The following PPARGC1A variants were observed in gnomAD, a reference collection of about 807,000 sequenced individuals.
PPARGC1A encodes the protein peroxisome proliferator-activated receptor gamma coactivator 1-alpha.
PPARGC1A carries 25 observed loss-of-function variants against 88.7 expected under a neutral mutation model. The ratio of observed to expected loss-of-function variants is 0.28; its 90% CI spans 0.21 to 0.39. PPARGC1A has a LOEUF of 0.39. Among genes scored for constraint, PPARGC1A ranks in the 10% least tolerant of loss-of-function variants. The pLI, the probability that PPARGC1A is intolerant of heterozygous loss-of-function variation, is 1.00. For synonymous variants in PPARGC1A, 363 were observed against 355.6 expected, an observed-to-expected ratio of 1.02 and a Z score of -0.24; for missense variants, 880 against 968.7, an observed-to-expected ratio of 0.91 and a Z score of 1.22.
At chr4:24,173,188 C>G in the PPARGC1A span, among the ~76,000 whole-genome samples, 1 of 152,002 alleles carries the variant, frequency 6.6e-6, no homozygotes, top group East Asian at 1.9e-4. Context: ...AGCTGAAATT[C>G]TGACATTGTT....
At chr4:24,058,187 G>C in the PPARGC1A span, among the ~76,000 whole-genome samples, 1 of 152,218 alleles carries the variant, frequency 6.6e-6, no homozygotes, top group Non-Finnish European at 1.5e-5. Flanking sequence ...TTCCTCAGCT[G>C]ACTCTTGACT....
At chr4:24,426,969 A>G in the PPARGC1A span, among the ~76,000 whole-genome samples, 1 of 152,214 alleles carries the variant, frequency 6.6e-6, no homozygotes, top group Non-Finnish European at 1.5e-5. Flanking sequence ...GAAAGCTGCA[A>G]GAATCTCAGT....
the PPARGC1A span, among the ~76,000 whole-genome samples, chr4:24,134,770 T>C: frequency 6.6e-6 from 1 of 152,230 alleles, no homozygotes; most frequent in African/African-American, 2.4e-5. Flanking sequence ...TTCACTTTTT[T>C]TCCAGTGGAA....
chr4:23,961,172 A>G, the PPARGC1A span, among the ~76,000 whole-genome samples: 2 of 152,134 alleles, frequency 1.3e-5, no homozygotes, highest in East Asian at 3.9e-4. Flanking sequence ...TAACAGTACT[A>G]TCTTTCCATG....
chr4:24,168,077 G>A, the PPARGC1A span, among the ~76,000 whole-genome samples: 2 of 152,168 alleles, frequency 1.3e-5, no homozygotes, highest in Non-Finnish European at 2.9e-5. Context: ...TTGAATTACG[G>A]TATGTAAAGG....
At chr4:24,323,977 C>T in the PPARGC1A span, among the ~76,000 whole-genome samples, 6 of 152,184 alleles carry the variant, frequency 3.9e-5, no homozygotes, top group African/African-American at 9.7e-5. Context: ...ATTTCAATTC[C>T]TTTCATTTTC....
chr4:23,968,553 T>G, the PPARGC1A span, among the ~76,000 whole-genome samples: 1 of 152,296 alleles, frequency 6.6e-6, no homozygotes, highest in East Asian at 1.9e-4. Flanking sequence ...GTCATCTTTT[T>G]CTTCTAAATA....
At chr4:24,375,706 G>T in the PPARGC1A span, among the ~76,000 whole-genome samples, 1 of 152,152 alleles carries the variant, frequency 6.6e-6, no homozygotes, top group African/African-American at 2.4e-5. Flanking sequence ...GAGCCAGCAT[G>T]GGAATAAAAA....
the PPARGC1A span, among the ~76,000 whole-genome samples, chr4:23,986,096 A>T: frequency 1.3e-5 from 2 of 152,056 alleles, no homozygotes; most frequent in Non-Finnish European, 2.9e-5. Flanking sequence ...GCACTCCTGA[A>T]GAGTTAGGAA....
At chr4:23,967,297 G>T in the PPARGC1A span, among the ~76,000 whole-genome samples, 1 of 152,124 alleles carries the variant, frequency 6.6e-6, no homozygotes, top group Middle Eastern at 3.2e-3. Context: ...ACGCCACCAT[G>T]CGCCGATTAT....
At chr4:24,005,257 G>GA in the PPARGC1A span, among the ~76,000 whole-genome samples, 18 of 150,340 alleles carry the variant, frequency 1.2e-4, no homozygotes, top group African/African-American at 4.1e-4. Flanking sequence ...GCTTTTGAAA[G>GA]AAAAAAAAAG....
At chr4:24,175,195 A>T in the PPARGC1A span, among the ~76,000 whole-genome samples, 2 of 152,152 alleles carry the variant, frequency 1.3e-5, no homozygotes, top group African/African-American at 4.8e-5. Context: ...ATTCTAGTCT[A>T]TCAGGTAATT....
the PPARGC1A span, among the ~76,000 whole-genome samples, chr4:24,337,563 AGAT>A: frequency 1.3e-5 from 2 of 152,074 alleles, no homozygotes; most frequent in African/African-American, 2.4e-5. Flanking sequence ...GAGCGTGGGG[AGAT>A]GATGTCTGAC....
At chr4:24,455,113 A>T in the PPARGC1A span, among the ~76,000 whole-genome samples, 4 of 152,188 alleles carry the variant, frequency 2.6e-5, no homozygotes, top group Admixed American at 2.0e-4. Context: ...AGTCCCAAAC[A>T]TTTGGGAATT....
the PPARGC1A span, among the ~76,000 whole-genome samples, chr4:23,989,926 C>G: frequency 2.0e-5 from 3 of 149,426 alleles, no homozygotes; most frequent in African/African-American, 7.4e-5. Flanking sequence ...TTTTAATTAG[C>G]TTCTTTAAAT....
At chr4:24,257,442 A>G in the PPARGC1A span, among the ~76,000 whole-genome samples, 2 of 152,328 alleles carry the variant, frequency 1.3e-5, no homozygotes, top group South Asian at 4.1e-4. Flanking sequence ...GTAGCTGGCC[A>G]ATCTATGGTA....
the PPARGC1A span, among the ~76,000 whole-genome samples, chr4:24,075,990 G>A: frequency 0.021 from 3,128 of 152,164 alleles, 115 homozygotes; most frequent in African/African-American, 0.066. Flanking sequence ...GCATATCTCC[G>A]TGTTCTCTGA....
At chr4:24,224,591 C>G in the PPARGC1A span, among the ~76,000 whole-genome samples, 77,195 of 151,990 alleles carry the variant, frequency 0.51, 20,898 homozygotes, top group Non-Finnish European at 0.59. Flanking sequence ...ATACGGCAGG[C>G]AATTGTCTAG....
the PPARGC1A span, among the ~76,000 whole-genome samples, chr4:24,389,999 G>C: frequency 1.3e-5 from 2 of 152,114 alleles, no homozygotes; most frequent in Non-Finnish European, 2.9e-5. Flanking sequence ...AATTTGGACG[G>C]GTTTGGAGTT....
Sources: gnomAD v4.1 joint callset for allele counts (sites outside exome capture counted in the v4.1 genomes callset) on GRCh38, gnomAD v4.1.1 for gene constraint, MANE v1.5 for transcripts, NCBI Gene and HGNC (gene_info 2026-07-23, HGNC 2026-07-21) for gene names.